TBC1D16: variants seen among roughly 807,000 people sequenced by gnomAD.
The protein encoded by TBC1D16 is TBC1 domain family member 16, also known as CTD-2529O21.1.
TBC1D16 carries 58 observed loss-of-function variants against 74.7 expected under a neutral mutation model. The ratio of observed to expected loss-of-function variants is 0.78; its 90% CI spans 0.63 to 0.97. TBC1D16 has a LOEUF of 0.97. Ranked by LOEUF, TBC1D16 falls within the 50% of genes least tolerant of loss-of-function variation. The pLI is 0.00. For missense variants in TBC1D16, 1,014 were observed against 1,079.5 expected (o/e 0.94, Z 0.85); for synonymous variants, 493 against 474.7 (o/e 1.04, Z -0.50).
chr17:79,950,714 C>G lies in TBC1D16; in HGVS notation c.1090-136G>C. On this transcript the variant is annotated intron_variant, in intron 5 of 11. Transcript: ENST00000310924. The surrounding 1 kb of genome is among the most constrained non-coding windows in gnomAD (Gnocchi z 4.6). ...AGGGCCGTCCCCTGCATACAAACCCCTAAATGGCGAGTGTAATTAGGCGCA... is the reference window on the plus strand; with the variant it reads ...AGGGCCGTCCCCTGCATACAAACCCGTAAATGGCGAGTGTAATTAGGCGCA... The G allele has an allele frequency of 6.5e-7, 1 of 1,541,554 alleles. No individual in the cohort carries two copies.
intron 3 of TBC1D16, among the ~76,000 whole-genome samples, chr17:79,974,272 T>C (rs1018127962): frequency 6.6e-6 from 1 of 152,168 alleles, no homozygotes; most frequent in Non-Finnish European, 1.5e-5. Flanking sequence ...CGGAGTCTCA[T>C]CTGTTGCCCA....
At chr17:79,965,800 C>T (rs1324218755) in intron 3 of TBC1D16, among the ~76,000 whole-genome samples, 2 of 152,218 alleles carry the variant, frequency 1.3e-5, no homozygotes, top group African/African-American at 2.4e-5. Flanking sequence ...AAACTGTGTC[C>T]ACTTCTCCCC....
rs1412895011 is a variant in TBC1D16 at position 79,983,574 on chromosome 17, A to G, written c.779+26586T>C. Among the ~76,000 whole-genome samples, 2 of 152,210 alleles carry G rather than the reference A, an allele frequency of 1.3e-5. No individual in the cohort carries two copies. Among genetic ancestry groups the G allele is most frequent in the African/African-American group, 4.8e-5 (2 of 41,454 alleles). On this transcript the variant is annotated intron_variant, in intron 3 of 11. Transcript: ENST00000310924. The surrounding 1 kb of genome is among the most constrained non-coding windows in gnomAD (Gnocchi z 5.6). ...GCCACCGACGGCTACAAAGACGGGG[A>G]CGCTTTCCTAGGGCTCAAAGCAAGG...
chr17:79,936,909 C>CGTGTGTGTGTGT lies in TBC1D16; in HGVS notation c.*3938_*3949dup, dbSNP rs71959726. The CGTGTGTGTGTGT allele has an allele frequency of 0.056, 6,886 of 122,134 alleles. 170 individuals are homozygous for CGTGTGTGTGTGT. The highest frequency in any genetic ancestry group is 0.061 in the Non-Finnish European group (3,180 of 52,290). 7.6% of individuals were successfully genotyped at this position (122,134 alleles called of 1,614,324 possible). A position where few individuals can be genotyped will look rare whatever the true frequency, so the allele number is the denominator to read the frequency against. Reference sequence around the variant, plus strand: ...GTGCATGCGTGCGTGTGTGCATGTGCGTGTGTGTGTGTGTGTGTGTGTGTG... The same window carrying CGTGTGTGTGTGT: ...GTGCATGCGTGCGTGTGTGCATGTGCGTGTGTGTGTGTGTGTGTGTGTGTGTGTGTGTGTGTG... On this transcript the variant is annotated 3_prime_UTR_variant, in exon 12 of 12. Coordinates refer to ENST00000310924, the MANE Select transcript of TBC1D16 (RefSeq NM_019020.4).
intron 3 of TBC1D16, among the ~76,000 whole-genome samples, chr17:79,969,928 C>T (rs532457345): frequency 7.2e-5 from 11 of 151,820 alleles, no homozygotes; most frequent in African/African-American, 9.7e-5. Context: ...GGCAACAGAA[C>T]GAGACTCCAT....
chr17:79,950,711 C>A lies in TBC1D16; in HGVS notation c.1090-133G>T. 4 of 1,541,676 alleles carry A rather than the reference C, an allele frequency of 2.6e-6. No individual in the cohort carries two copies. The highest frequency in any genetic ancestry group is 2.6e-6 in the Non-Finnish European group (3 of 1,144,054). On this transcript the variant is annotated intron_variant, in intron 5 of 11. Coordinates refer to ENST00000310924, the MANE Select transcript of TBC1D16 (RefSeq NM_019020.4). The surrounding 1 kb of genome is among the most constrained non-coding windows in gnomAD (Gnocchi z 4.6). Reference sequence around the variant, plus strand: ...GCAAGGGCCGTCCCCTGCATACAAACCCCTAAATGGCGAGTGTAATTAGGC... The same window carrying A: ...GCAAGGGCCGTCCCCTGCATACAAAACCCTAAATGGCGAGTGTAATTAGGC...
At chr17:79,970,057 G>A (rs1568598487) in intron 3 of TBC1D16, among the ~76,000 whole-genome samples, 1 of 152,170 alleles carries the variant, frequency 6.6e-6, no homozygotes, top group Non-Finnish European at 1.5e-5. Context: ...CTGATGACCA[G>A]ATAAGGAAAT....
chr17:80,007,551 C>T lies in TBC1D16; in HGVS notation c.779+2609G>A, dbSNP rs984998191. 6.6e-6 allele frequency among the ~76,000 whole-genome samples: 1 copy of T among 152,144 alleles called. No homozygotes were observed. The highest frequency in any genetic ancestry group is 2.4e-5 in the African/African-American group (1 of 41,422). ...CGGACAGGGTGTCTCAGTGGGGACT[C>T]GAGTGTCAGAGCAGAGAAGGGGGCC... On this transcript the variant is annotated intron_variant, in intron 3 of 11. Coordinates refer to ENST00000310924, the MANE Select transcript of TBC1D16 (RefSeq NM_019020.4). This position sits in a 1 kb window ranked among gnomAD's most constrained non-coding sequence, Gnocchi z 4.5.
chr17:79,946,847 G>A (rs1242856654), intron 9 of TBC1D16, among the ~76,000 whole-genome samples: 1 of 152,220 alleles, frequency 6.6e-6, no homozygotes, highest in East Asian at 1.9e-4. Context: ...CGGTGCAGGA[G>A]CCCTCTTGTC....
chr17:79,999,589 C>G (rs543867322), intron 3 of TBC1D16, among the ~76,000 whole-genome samples: 10 of 119,202 alleles, frequency 8.4e-5, no homozygotes, highest in African/African-American at 3.3e-4. Context: ...GTTGCCCAGG[C>G]TGGAGTGCAG....
intron 1 of TBC1D16, among the ~76,000 whole-genome samples, chr17:80,021,814 C>T (rs551569068): frequency 2.0e-5 from 3 of 150,386 alleles, no homozygotes; most frequent in South Asian, 2.1e-4. Flanking sequence ...TAGACACACA[C>T]ATCCACCACA....
intron 3 of TBC1D16, among the ~76,000 whole-genome samples, chr17:79,976,339 G>T (rs1287288219): frequency 6.6e-6 from 1 of 152,188 alleles, no homozygotes; most frequent in Non-Finnish European, 1.5e-5. Context: ...TTAACCATAA[G>T]GCATTTTCTC....
At chr17:80,004,440 A>G (rs4889810) in intron 3 of TBC1D16, among the ~76,000 whole-genome samples, 94,034 of 152,098 alleles carry the variant, frequency 0.62, 29,905 homozygotes, top group Admixed American at 0.73. Flanking sequence ...AACGTTTTAC[A>G]GGTCACAGAC....
In TBC1D16 at chr17:80,008,380, C is replaced by T. The variant is rs997255267; in HGVS notation, c.779+1780G>A. On this transcript the variant is annotated intron_variant, in intron 3 of 11. Transcript: ENST00000310924. This position sits in a 1 kb window ranked among gnomAD's most constrained non-coding sequence, Gnocchi z 4.5. ...CTAACTCCTAAACTTGAGCTCCCTA[C>T]GAGATGGGGCTGCGGGACAGAGAGC... Among the ~76,000 whole-genome samples, 9 of 152,156 alleles carry T rather than the reference C, an allele frequency of 5.9e-5. No homozygotes were observed. Among genetic ancestry groups the T allele is most frequent in the African/African-American group, 1.9e-4 (8 of 41,430 alleles).
At chr17:79,952,532 C>T (rs1334950428) in intron 4 of TBC1D16, 125 bp downstream of exon 4, 8 of 1,249,754 alleles carry the variant, frequency 6.4e-6, no homozygotes, top group Middle Eastern at 2.0e-4. Context: ...AAAGCAGACG[C>T]TTGGGAAGAC....
At chr17:79,991,665 G>A (rs908243695) in intron 3 of TBC1D16, among the ~76,000 whole-genome samples, 2 of 149,160 alleles carry the variant, frequency 1.3e-5, no homozygotes, top group East Asian at 2.1e-4. Flanking sequence ...GGGGAGGCGC[G>A]CAGGCAGTGC....
chr17:80,025,197 G>A lies in TBC1D16; in HGVS notation c.-63+10598C>T, dbSNP rs1003458764. Among the ~76,000 whole-genome samples the A allele has an allele frequency of 6.8e-5, 10 of 147,094 alleles. 1 individual carries two copies. In the East Asian group the frequency reaches 1.4e-3, roughly 20 times the overall value. On this transcript the variant is annotated intron_variant, in intron 1 of 11. Coordinates refer to ENST00000310924, the MANE Select transcript of TBC1D16 (RefSeq NM_019020.4). ...GACACACACATACCATGACACACACGCACCCCATGACACACACCACACACA... is the reference window on the plus strand; with the variant it reads ...GACACACACATACCATGACACACACACACCCCATGACACACACCACACACA...
intron 3 of TBC1D16, among the ~76,000 whole-genome samples, chr17:79,966,807 C>G (rs1334146574): frequency 6.6e-6 from 1 of 152,058 alleles, no homozygotes; most frequent in Non-Finnish European, 1.5e-5. Context: ...AAATCTTCAA[C>G]AAAATACTAG....
chr17:79,952,126 C>G (rs557876941), intron 4 of TBC1D16: 183 of 155,394 alleles, frequency 1.2e-3, no homozygotes, highest in Middle Eastern at 0.01. Flanking sequence ...ACCCCCCCAG[C>G]TTCTGGACAC....
Sources: allele counts gnomAD v4.1 joint callset (sites outside exome capture counted in the v4.1 genomes callset), GRCh38; gene constraint gnomAD v4.1.1; non-coding constraint Gnocchi (gnomAD v3.1); transcripts MANE v1.5; gene names NCBI Gene and HGNC (gene_info 2026-07-23, HGNC 2026-07-21).